Variants in PPFIBP2 observed in about 807,000 individuals in gnomAD.
PPFIBP2 encodes the protein PPFIB scaffold protein 2.
A neutral mutation model predicts 118.3 loss-of-function variants in PPFIBP2; 118 were observed. That is an observed-to-expected ratio of 1.00 (90% CI 0.86 to 1.16). The LOEUF (loss-of-function observed/expected upper bound fraction) is 1.16, where lower values mean the gene tolerates loss of function less well. Ranked by LOEUF, PPFIBP2 falls within the 50% of genes most tolerant of loss-of-function variation. The pLI, the probability that PPFIBP2 is intolerant of heterozygous loss-of-function variation, is 0.00. For synonymous variants in PPFIBP2, 414 were observed against 397.4 expected (o/e 1.04, Z -0.50); for missense variants, 1,195 against 1,073.1 (o/e 1.11, Z -1.59).
chr11:7,590,850 T>C (rs1162919728), intron 3 of PPFIBP2, among the ~76,000 whole-genome samples: 1 of 152,256 alleles, frequency 6.6e-6, no homozygotes, highest in African/African-American at 2.4e-5. Flanking sequence ...AAGGGTGTCA[T>C]GGATATTGCT....
downstream of PPFIBP2, among the ~76,000 whole-genome samples, chr11:7,655,042 T>C (rs1854553604): frequency 6.6e-6 from 1 of 152,170 alleles, no homozygotes; most frequent in Admixed American, 6.5e-5. Context: ...TCTGAGCTCC[T>C]GTTGCCTGGT....
chr11:7,587,138 A>G (rs1858358030), intron 3 of PPFIBP2, among the ~76,000 whole-genome samples: 1 of 152,194 alleles, frequency 6.6e-6, no homozygotes, highest in Non-Finnish European at 1.5e-5. Context: ...CTACATGGGA[A>G]ATAAGAATGG....
At chr11:7,663,394 G>C in the PPFIBP2 span, among the ~76,000 whole-genome samples, 2 of 151,874 alleles carry the variant, frequency 1.3e-5, no homozygotes, top group Middle Eastern at 6.8e-3. Context: ...CAGGTCTGTT[G>C]GAATACCCTG....
intron 7 of PPFIBP2, among the ~76,000 whole-genome samples, chr11:7,622,704 G>A (rs1275892502): frequency 6.6e-6 from 1 of 152,160 alleles, no homozygotes; most frequent in Non-Finnish European, 1.5e-5. Context: ...CCTGGCCTGT[G>A]TGTATCTGAG....
At position 7,639,848 on chromosome 11, in the gene PPFIBP2, G is replaced by A. The variant is rs1382748964; in HGVS notation, c.1353G>A (p.Thr451=). The change falls in exon 15 of 24, where the codon ACG becomes ACA. Residue 451 remains threonine (T), a synonymous_variant. Transcript: ENST00000299492. The part of the protein sequence containing the change: ...SPPTICQPDA[T]GSSLLRLRDT... Reference sequence around the variant, plus strand: ...CCACCATCTGCCAGCCTGACGCCACGGGGAGCAGCCTGCTGAGGCTGAGTG... The same window carrying A: ...CCACCATCTGCCAGCCTGACGCCACAGGGAGCAGCCTGCTGAGGCTGAGTG... 1.1e-5 allele frequency: 18 copies of A among 1,614,008 alleles called. No homozygotes were observed. The highest frequency in any genetic ancestry group is 3.3e-4 in the Middle Eastern group (2 of 6,084).
intron 3 of PPFIBP2, among the ~76,000 whole-genome samples, chr11:7,566,751 A>C (rs1862980438): frequency 1.3e-5 from 2 of 152,290 alleles, no homozygotes; most frequent in Middle Eastern, 3.4e-3. Flanking sequence ...TGTGGGGTAC[A>C]TGTGAAATTT....
chr11:7,540,513 TAG>T (rs1851669696), intron 1 of PPFIBP2, among the ~76,000 whole-genome samples: 1 of 152,056 alleles, frequency 6.6e-6, no homozygotes. Context: ...TGTGAGAATA[TAG>T]AGAGGGAGGT....
the PPFIBP2 span, chr11:7,666,386 C>G: frequency 1.1e-5 from 11 of 1,011,198 alleles, no homozygotes; most frequent in Non-Finnish European, 1.6e-5. Flanking sequence ...GAGACAGAGA[C>G]CAGTCCTCAA....
chr11:7,606,886 ATTTTTTTTTTTTTTTTTTTTTTT>A (rs529585905), intron 5 of PPFIBP2, among the ~76,000 whole-genome samples: 22 of 51,444 alleles, frequency 4.3e-4, no homozygotes, highest in Admixed American at 1.8e-3. Context: ...AACTGCATGA[ATTTTTTTTTTTTTTTTTTTTTTT>A]TTTTTTTTTT....
rs1590638588 is a variant in PPFIBP2 at position 7,619,781 on chromosome 11, G to A, written c.619-1154G>A. Among the ~76,000 whole-genome samples the A allele has an allele frequency of 2.6e-5, 4 of 152,220 alleles. No homozygotes were observed. In the South Asian group the frequency reaches 6.2e-4, roughly 24 times the overall value. ...TAGATCCTATGTTTCTGGATAGGCC[G>A]TTAGATAGATGGATATGGCATTTAG... On this transcript the variant is annotated intron_variant, in intron 6 of 23. Transcript: ENST00000299492.
chr11:7,603,745 A>G (rs1276483276), intron 5 of PPFIBP2, among the ~76,000 whole-genome samples: 1 of 152,184 alleles, frequency 6.6e-6, no homozygotes, highest in African/African-American at 2.4e-5. Flanking sequence ...ATCTCTTAGA[A>G]GAAGTATTTG....
chr11:7,617,011 G>A (rs1177591917), intron 6 of PPFIBP2: 7 of 547,810 alleles, frequency 1.3e-5, no homozygotes, highest in Non-Finnish European at 1.6e-5. Flanking sequence ...CCTGCTCCCT[G>A]CCCCATGCAC....
rs900468115 is a variant in PPFIBP2 at position 7,567,389 on chromosome 11, G to A, written c.279+1622G>A. ...TTTCAAGATGCATTGGTAGAAAACA[G>A]CTTGCATTCAGATTTGCAGTTTTGT... On this transcript the variant is annotated intron_variant, in intron 3 of 23. Coordinates refer to ENST00000299492, the MANE Select transcript of PPFIBP2 (RefSeq NM_003621.5). 5.3e-5 allele frequency among the ~76,000 whole-genome samples: 8 copies of A among 152,232 alleles called. No homozygotes were observed. The South Asian group carries it at 6.2e-4, about 12-fold the overall frequency.
intron 2 of PPFIBP2, among the ~76,000 whole-genome samples, chr11:7,563,353 C>T (rs1854566022): frequency 6.6e-6 from 1 of 152,142 alleles, no homozygotes; most frequent in Non-Finnish European, 1.5e-5. Context: ...TAAGTCCACT[C>T]TTAATTGGAT....
At chr11:7,642,126 C>A in intron 16 of PPFIBP2, 172 bp from the exon 17 acceptor site, 1 of 727,420 alleles carries the variant, frequency 1.4e-6, no homozygotes, top group Non-Finnish European at 2.1e-6. Flanking sequence ...AGGCTTGAGT[C>A]TGGCCAAGGA....
rs555154773 is a variant in PPFIBP2, at chr11:7,611,168, C to G, written c.618+746C>G. ...TAGAAACACCTCGCTCATTTACTGA[C>G]CTAACTGCTTAATAGTTCTATGAAC... On this transcript the variant is annotated intron_variant, in intron 6 of 23. Coordinates refer to ENST00000299492, the MANE Select transcript of PPFIBP2 (RefSeq NM_003621.5). Among the ~76,000 whole-genome samples the G allele has an allele frequency of 6.6e-5, 10 of 152,288 alleles. No individual in the cohort carries two copies. In the East Asian group the frequency reaches 1.9e-3, roughly 29 times the overall value.
chr11:7,585,749 A>G (rs768506115), intron 3 of PPFIBP2, among the ~76,000 whole-genome samples: 6 of 152,222 alleles, frequency 3.9e-5, no homozygotes, highest in Non-Finnish European at 8.8e-5. Flanking sequence ...GAGCATTGTC[A>G]TAGATCTGAA....
At chr11:7,544,104 A>G (rs1209065781) in intron 1 of PPFIBP2, among the ~76,000 whole-genome samples, 2 of 152,230 alleles carry the variant, frequency 1.3e-5, no homozygotes. Context: ...GGAAGATGAC[A>G]GCACACACAT....
intron 9 of PPFIBP2, 110 bp downstream of exon 9, chr11:7,628,456 G>A (rs1036526323): frequency 4.6e-5 from 46 of 1,007,360 alleles, no homozygotes; most frequent in Non-Finnish European, 6.5e-5. Flanking sequence ...TCATGCCATT[G>A]ACATAGGGAT....
Sources: allele counts gnomAD v4.1 joint callset (sites outside exome capture counted in the v4.1 genomes callset), GRCh38; gene constraint gnomAD v4.1.1; transcripts MANE v1.5; gene names NCBI Gene and HGNC (gene_info 2026-07-23, HGNC 2026-07-21).